The following XKR6 variants were observed in gnomAD, a reference collection of about 807,000 sequenced individuals.
The protein encoded by XKR6 is XK related 6.
A neutral mutation model predicts 56.7 loss-of-function variants in XKR6; 22 were observed. The ratio of observed to expected loss-of-function variants is 0.39; its 90% CI spans 0.28 to 0.55. The LOEUF is 0.55. Among genes scored for constraint, XKR6 ranks in the 20% least tolerant of loss-of-function variants. XKR6 has a pLI of 0.66. For missense variants in XKR6, 852 were observed against 889.0 expected (o/e 0.96, Z 0.53); for synonymous variants, 524 against 387.8 (o/e 1.35, Z -4.13).
intron 1 of XKR6, among the ~76,000 whole-genome samples, chr8:11,176,006 A>C (rs1172308004): frequency 1.3e-5 from 2 of 152,214 alleles, no homozygotes; most frequent in Non-Finnish European, 2.9e-5. Context: ...ACCCCTAAGA[A>C]TGTGATCAGC....
intron 1 of XKR6, among the ~76,000 whole-genome samples, chr8:11,133,157 C>A (rs550502758): frequency 2.6e-5 from 4 of 152,000 alleles, no homozygotes; most frequent in African/African-American, 9.7e-5. Context: ...GAATTGAAAC[C>A]TAAACGCACA....
At chr8:11,092,537 T>G (rs563542117) in intron 1 of XKR6, among the ~76,000 whole-genome samples, 1 of 152,170 alleles carries the variant, frequency 6.6e-6, no homozygotes, top group East Asian at 1.9e-4. Context: ...AGCTCTGCAG[T>G]GGGGACAGGG....
intron 1 of XKR6, among the ~76,000 whole-genome samples, chr8:11,021,011 T>C (rs1469112816): frequency 1.3e-5 from 2 of 151,990 alleles, no homozygotes; most frequent in African/African-American, 4.8e-5. Flanking sequence ...GAAATGGGGG[T>C]TCAGGCTCAC....
chr8:11,048,769 G>C (rs889728717), intron 1 of XKR6, among the ~76,000 whole-genome samples: 1 of 152,162 alleles, frequency 6.6e-6, no homozygotes. Context: ...CCTCCCGGTG[G>C]CTGATGCCTG....
intron 1 of XKR6, among the ~76,000 whole-genome samples, chr8:10,953,973 G>A (rs1801803308): frequency 6.6e-6 from 1 of 152,222 alleles, no homozygotes; most frequent in African/African-American, 2.4e-5. Context: ...TTCAGCCACA[G>A]TGTAGCATGC....
At chr8:11,104,572 C>G (rs1301338133) in intron 1 of XKR6, 1 of 150,666 alleles carries the variant, frequency 6.6e-6, no homozygotes, top group African/African-American at 2.5e-5. Flanking sequence ...TTGTGCAGTT[C>G]TTTAAAGACA....
intron 1 of XKR6, among the ~76,000 whole-genome samples, chr8:11,127,044 T>C (rs1481736272): frequency 1.3e-5 from 2 of 152,206 alleles, no homozygotes; most frequent in East Asian, 1.9e-4. Flanking sequence ...TTGTGTATCA[T>C]TCTTTACAAC....
At chr8:10,911,164 A>G (rs888872681) in intron 2 of XKR6, among the ~76,000 whole-genome samples, 1 of 150,130 alleles carries the variant, frequency 6.7e-6, no homozygotes, top group African/African-American at 2.5e-5. Context: ...AAAAACATGG[A>G]TTTTGAGTAT....
chr8:11,147,111 T>A (rs916480490), intron 1 of XKR6, among the ~76,000 whole-genome samples: 19 of 151,506 alleles, frequency 1.3e-4, no homozygotes, highest in Non-Finnish European at 2.4e-4. Context: ...ATAATAATAA[T>A]AAATAAATAA....
intron 1 of XKR6, among the ~76,000 whole-genome samples, chr8:11,031,689 C>G (rs547520397): frequency 2.5e-4 from 38 of 150,860 alleles, no homozygotes; most frequent in African/African-American, 9.2e-4. Context: ...TTGCAGCATT[C>G]TAGAAGAAGA....
At chr8:10,923,902 A>G (rs1428775930) in intron 2 of XKR6, among the ~76,000 whole-genome samples, 1 of 152,216 alleles carries the variant, frequency 6.6e-6, no homozygotes, top group Non-Finnish European at 1.5e-5. Context: ...GAGTCTCTTC[A>G]GCAACTTCTT....
intron 1 of XKR6, chr8:11,111,975 T>G (rs545089655): frequency 6.6e-6 from 1 of 152,248 alleles, no homozygotes; most frequent in African/African-American, 2.4e-5. Context: ...TTTATAATTT[T>G]CAAAACATTT....
At chr8:11,185,620 A>C (rs1038911074) in intron 1 of XKR6, among the ~76,000 whole-genome samples, 4 of 152,226 alleles carry the variant, frequency 2.6e-5, no homozygotes, top group African/African-American at 9.7e-5. Context: ...CACCCAATAA[A>C]GTCTCCAATG....
At chr8:11,047,004 T>TG (rs1299165923) in intron 1 of XKR6, among the ~76,000 whole-genome samples, 4 of 150,302 alleles carry the variant, frequency 2.7e-5, no homozygotes, top group African/African-American at 9.8e-5. Context: ...AGAAGGGAAA[T>TG]GGGGGGCGGG....
chr8:11,169,452 TA>T (rs144707495), intron 1 of XKR6, among the ~76,000 whole-genome samples: 2,205 of 151,928 alleles, frequency 0.015, 58 homozygotes, highest in African/African-American at 0.051. Flanking sequence ...TATTTGGTCT[TA>T]AAAAAAAGGA....
intron 1 of XKR6, among the ~76,000 whole-genome samples, chr8:11,122,850 GA>G (rs1319351188): frequency 3.9e-5 from 6 of 152,204 alleles, no homozygotes; most frequent in Admixed American, 1.3e-4. Flanking sequence ...TTTTCCAGGG[GA>G]AAACTAGACA....
intron 1 of XKR6, among the ~76,000 whole-genome samples, chr8:11,197,309 A>C (rs1803944415): frequency 6.6e-6 from 1 of 152,246 alleles, no homozygotes; most frequent in African/African-American, 2.4e-5. Flanking sequence ...TTGCTTCTTG[A>C]CTGAAGAGAA....
At chr8:11,136,973 A>T (rs1800432624) in intron 1 of XKR6, 1 of 152,260 alleles carries the variant, frequency 6.6e-6, no homozygotes, top group African/African-American at 2.4e-5. Context: ...AAAGAAAAAA[A>T]TGGTAAATAT....
chr8:11,065,387 C>T (rs1799948571), intron 1 of XKR6, among the ~76,000 whole-genome samples: 2 of 152,214 alleles, frequency 1.3e-5, no homozygotes, highest in African/African-American at 4.8e-5. Flanking sequence ...CCTTGGCCAG[C>T]TCCACCATTC....
Sources: allele counts gnomAD v4.1 joint callset (sites outside exome capture counted in the v4.1 genomes callset), GRCh38; gene constraint gnomAD v4.1.1; transcripts MANE v1.5; gene names NCBI Gene and HGNC (gene_info 2026-07-23, HGNC 2026-07-21).